SUMF1: variants seen among roughly 807,000 people sequenced by gnomAD.
SUMF1 encodes the protein sulfatase modifying factor 1.
SUMF1 carries 48 observed loss-of-function variants against 47.6 expected under a neutral mutation model. That is an observed-to-expected ratio of 1.01 (90% CI 0.80 to 1.28). The LOEUF (loss-of-function observed/expected upper bound fraction) is 1.28. Ranked by LOEUF, SUMF1 falls within the 50% of genes most tolerant of loss-of-function variation. The probability of loss-of-function intolerance (pLI) is 0.00; values close to 1 mark genes in which losing one functional copy is unlikely to be tolerated. For synonymous variants in SUMF1, 230 were observed against 192.1 expected (o/e 1.20, Z -1.63); for missense variants, 571 against 485.4 (o/e 1.18, Z -1.66).
At chr3:4,186,779 A>G (rs368786609) in intron 8 of SUMF1, among the ~76,000 whole-genome samples, 10 of 152,292 alleles carry the variant, frequency 6.6e-5, no homozygotes, top group African/African-American at 2.2e-4. Context: ...AAATGTGAGA[A>G]GTTCAATTGC....
Position 4,151,701 on chromosome 3 carries a change from TA to T in SUMF1, c.1015-82957del, listed in dbSNP as rs34007844. Among the ~76,000 whole-genome samples, 375 of 138,028 alleles carry T rather than the reference TA, an allele frequency of 2.7e-3. 4 individuals are homozygous for T. The highest frequency in any genetic ancestry group is 6.5e-3 in the East Asian group (31 of 4,774). The allele number at this position is 138,028 out of a possible 152,430, so 90.6% of individuals were successfully genotyped here. ...AATATGCTAATAATAGCTGATGAGC[TA>T]AAAAAAAAAAAAATCACAAAAAAAT... On this transcript the variant is annotated intron_variant and NMD_transcript_variant, in intron 8 of 12. Coordinates refer to the SUMF1 transcript ENST00000448413.
intron 8 of SUMF1, among the ~76,000 whole-genome samples, chr3:4,118,265 T>C (rs1449218014): frequency 6.6e-6 from 1 of 151,302 alleles, no homozygotes; most frequent in Admixed American, 6.6e-5. Flanking sequence ...AGGAACAGGA[T>C]ACATGAAAAA....
chr3:4,230,859 G>C (rs952959711), intron 8 of SUMF1, among the ~76,000 whole-genome samples: 2 of 152,088 alleles, frequency 1.3e-5, no homozygotes, highest in African/African-American at 4.8e-5. Context: ...TTTAGGACCT[G>C]TGTACAAGAA....
At chr3:4,403,926 G>A (rs1053440594) in intron 7 of SUMF1, among the ~76,000 whole-genome samples, 10 of 152,164 alleles carry the variant, frequency 6.6e-5, no homozygotes, top group African/African-American at 2.4e-4. Flanking sequence ...TGCTCTCTTT[G>A]CTCAGGAAGA....
At chr3:4,336,761 G>C (rs962764157) in intron 8 of SUMF1, among the ~76,000 whole-genome samples, 1 of 152,158 alleles carries the variant, frequency 6.6e-6, no homozygotes, top group Non-Finnish European at 1.5e-5. Flanking sequence ...AGATACATTT[G>C]ATATTCTGTC....
intron 7 of SUMF1, among the ~76,000 whole-genome samples, chr3:4,378,342 C>T (rs1700392730): frequency 6.6e-6 from 1 of 152,178 alleles, no homozygotes; most frequent in Non-Finnish European, 1.5e-5. Context: ...ACCACAGTTT[C>T]TACCAAAGGC....
At chr3:4,342,292 G>A (rs998707223) in intron 8 of SUMF1, among the ~76,000 whole-genome samples, 2 of 152,174 alleles carry the variant, frequency 1.3e-5, no homozygotes, top group Non-Finnish European at 2.9e-5. Flanking sequence ...CAGCACTTTG[G>A]GAGGCCAAGG....
intron 8 of SUMF1, among the ~76,000 whole-genome samples, chr3:4,346,937 A>T (rs2125149009): frequency 6.6e-6 from 1 of 152,328 alleles, no homozygotes; most frequent in Middle Eastern, 3.4e-3. Flanking sequence ...ATCTAGAAGA[A>T]ATGGATAAAT....
rs561900853 is a variant in SUMF1 at position 4,266,162 on chromosome 3, G to A, written c.1014+110168C>T. On this transcript the variant is annotated intron_variant and NMD_transcript_variant, in intron 8 of 12. Coordinates refer to the SUMF1 transcript ENST00000448413. ...GTAGTATAGTTTGAAGTCAGGTAGC[G>A]TGATGCCTCCAGCTTTGTTCTTTTG... Among the ~76,000 whole-genome samples, 14 of 152,252 alleles carry A rather than the reference G, an allele frequency of 9.2e-5. No homozygotes were observed. The East Asian group carries it at 1.2e-3, about 13-fold the overall frequency.
intron 8 of SUMF1, among the ~76,000 whole-genome samples, chr3:4,085,879 T>A (rs541756817): frequency 6.6e-6 from 1 of 152,192 alleles, no homozygotes; most frequent in East Asian, 1.9e-4. Flanking sequence ...GATTTGATAT[T>A]GTTATCAATC....
At chr3:4,183,176 C>T (rs1163714815) in intron 8 of SUMF1, among the ~76,000 whole-genome samples, 2 of 152,062 alleles carry the variant, frequency 1.3e-5, no homozygotes, top group African/African-American at 4.8e-5. Context: ...GTGTCAGAGG[C>T]AAAGACAGTT....
chr3:4,167,333 T>A (rs572332343), intron 8 of SUMF1, among the ~76,000 whole-genome samples: 1 of 152,148 alleles, frequency 6.6e-6, no homozygotes, highest in Admixed American at 6.5e-5. Context: ...TCTGTTTCTG[T>A]CCTATCAGAA....
intron 8 of SUMF1, among the ~76,000 whole-genome samples, chr3:4,253,500 C>G (rs569200708): frequency 6.6e-6 from 1 of 151,982 alleles, no homozygotes; most frequent in Admixed American, 6.5e-5. Context: ...AAAGGGGTGA[C>G]GGACGCACCT....
chr3:4,234,172 T>A (rs1270325327), intron 8 of SUMF1, among the ~76,000 whole-genome samples: 1 of 152,132 alleles, frequency 6.6e-6, no homozygotes, highest in Admixed American at 6.6e-5. Context: ...CTCTTGTTTC[T>A]ACAAGTTGCT....
intron 8 of SUMF1, among the ~76,000 whole-genome samples, chr3:4,292,968 T>A (rs1697769361): frequency 6.6e-6 from 1 of 152,080 alleles, no homozygotes; most frequent in South Asian, 2.1e-4. Flanking sequence ...CATGGGTGAG[T>A]TCCAGAACGT....
intron 8 of SUMF1, among the ~76,000 whole-genome samples, chr3:4,289,624 T>C (rs1430587124): frequency 6.6e-6 from 1 of 152,186 alleles, no homozygotes; most frequent in Non-Finnish European, 1.5e-5. Context: ...ATACTCACCC[T>C]CCATCACCCA....
chr3:4,131,548 T>C (rs983681168), intron 8 of SUMF1, among the ~76,000 whole-genome samples: 11 of 152,134 alleles, frequency 7.2e-5, no homozygotes, highest in Non-Finnish European at 1.5e-4. Flanking sequence ...GCAGTGCACC[T>C]GGTTGTGCAC....
intron 3 of SUMF1, among the ~76,000 whole-genome samples, chr3:4,421,744 C>T (rs960719738): frequency 2.0e-5 from 3 of 152,162 alleles, no homozygotes; most frequent in Non-Finnish European, 4.4e-5. Context: ...CTTGGCCTCC[C>T]AAGGTGCTGG....
At chr3:4,263,964 A>G (rs888678618) in intron 8 of SUMF1, among the ~76,000 whole-genome samples, 10 of 152,236 alleles carry the variant, frequency 6.6e-5, no homozygotes, top group South Asian at 2.1e-4. Flanking sequence ...TATAAACTAG[A>G]CAGGAAAATA....
Sources: gnomAD v4.1 joint callset for allele counts (sites outside exome capture counted in the v4.1 genomes callset) on GRCh38, gnomAD v4.1.1 for gene constraint, MANE v1.5 for transcripts, NCBI Gene and HGNC (gene_info 2026-07-23, HGNC 2026-07-21) for gene names.